GRIK3: variants seen among roughly 807,000 people sequenced by gnomAD.
The protein encoded by GRIK3 is glutamate receptor ionotropic, kainate 3.
GRIK3 carries 29 observed loss-of-function variants against 102.5 expected under a neutral mutation model. The ratio of observed to expected loss-of-function variants is 0.28; its 90% CI spans 0.21 to 0.39. The LOEUF is 0.39. GRIK3 is among the 10% of genes least tolerant of loss of function. The probability of loss-of-function intolerance (pLI) is 1.00; values close to 1 mark genes in which losing one functional copy is unlikely to be tolerated. For synonymous variants in GRIK3, 511 were observed against 504.9 expected (o/e 1.01, Z -0.16); for missense variants, 908 against 1,252.4 (o/e 0.73, Z 4.15).
At chr1:36,839,651 T>G (rs1357260417) in intron 10 of GRIK3, among the ~76,000 whole-genome samples, 1 of 152,218 alleles carries the variant, frequency 6.6e-6, no homozygotes, top group Non-Finnish European at 1.5e-5. Flanking sequence ...CCTATTAATA[T>G]CTTTTCCCTT....
At chr1:36,832,887 A>G (rs1640325057) in intron 10 of GRIK3, among the ~76,000 whole-genome samples, 2 of 152,170 alleles carry the variant, frequency 1.3e-5, no homozygotes. Flanking sequence ...AGCCCAACGG[A>G]GCGGAAGGCA....
At chr1:36,811,244 T>A (rs1221421900) in intron 13 of GRIK3, among the ~76,000 whole-genome samples, 1 of 152,102 alleles carries the variant, frequency 6.6e-6, no homozygotes, top group African/African-American at 2.4e-5. Context: ...ATCTAGAAAC[T>A]GGGGAGAAAA....
chr1:36,826,878 A>G (rs911378836), intron 10 of GRIK3, among the ~76,000 whole-genome samples: 2 of 152,128 alleles, frequency 1.3e-5, no homozygotes, highest in African/African-American at 4.8e-5. Context: ...TTAAAAAACT[A>G]GATTCCCTCA....
At chr1:36,978,693 T>C (rs562300378) in intron 1 of GRIK3, among the ~76,000 whole-genome samples, 118 of 152,190 alleles carry the variant, frequency 7.8e-4, no homozygotes, top group Non-Finnish European at 1.3e-3. Context: ...GGAGGGTGAC[T>C]TGGCCACTCA....
intron 1 of GRIK3, among the ~76,000 whole-genome samples, chr1:36,905,862 C>T (rs930950016): frequency 1.1e-4 from 16 of 152,220 alleles, no homozygotes; most frequent in Non-Finnish European, 7.3e-5. Context: ...TACCTCTACC[C>T]ATCCCAAATG....
At chr1:36,855,115 A>T (rs1183231422) in intron 7 of GRIK3, among the ~76,000 whole-genome samples, 1 of 152,096 alleles carries the variant, frequency 6.6e-6, no homozygotes, top group South Asian at 2.1e-4. Context: ...GAGGGGAGAA[A>T]ATCTGGGAGC....
intron 1 of GRIK3, among the ~76,000 whole-genome samples, chr1:36,909,605 T>A (rs1003235229): frequency 1.3e-5 from 2 of 152,128 alleles, no homozygotes; most frequent in African/African-American, 4.8e-5. Context: ...CCGGCCTTTT[T>A]TTCTTTTTTA....
chr1:36,856,259 G>A (rs1056858113), intron 7 of GRIK3, among the ~76,000 whole-genome samples: 70 of 152,344 alleles, frequency 4.6e-4, no homozygotes, highest in African/African-American at 1.5e-3. Context: ...TGCACTGTGA[G>A]GGAAGCCTTC....
chr1:36,860,442 CT>C (rs1640708686), intron 5 of GRIK3, among the ~76,000 whole-genome samples: 2 of 152,328 alleles, frequency 1.3e-5, no homozygotes, highest in African/African-American at 4.8e-5. Context: ...ATTTTATCCC[CT>C]AGAAGAGGAT....
chr1:36,895,082 G>A (rs898289313), intron 1 of GRIK3, among the ~76,000 whole-genome samples: 14 of 152,194 alleles, frequency 9.2e-5, no homozygotes, highest in African/African-American at 3.1e-4. Context: ...GAAGTTTACC[G>A]CCCAGGGGCA....
chr1:36,853,579 T>A (rs1321240060), intron 8 of GRIK3, 36 bp downstream of exon 8: 1 of 1,365,274 alleles, frequency 7.3e-7, no homozygotes, highest in East Asian at 2.3e-5. Flanking sequence ...AAGCCCCTGC[T>A]CCTCCGCCTG....
At chr1:36,923,544 G>T (rs545614696) in intron 1 of GRIK3, among the ~76,000 whole-genome samples, 1 of 152,226 alleles carries the variant, frequency 6.6e-6, no homozygotes, top group Non-Finnish European at 1.5e-5. Flanking sequence ...CACTGCATGG[G>T]AATGAGGATC....
chr1:36,805,307 C>G (rs1240419482), intron 14 of GRIK3, 70 bp from the exon 15 acceptor site: 2 of 1,514,168 alleles, frequency 1.3e-6, no homozygotes, highest in Non-Finnish European at 1.8e-6. Flanking sequence ...TCTGCCAACA[C>G]CCTGGTCAGG....
At chr1:36,890,419 G>T (rs920596674) in intron 2 of GRIK3, among the ~76,000 whole-genome samples, 1 of 151,532 alleles carries the variant, frequency 6.6e-6, no homozygotes, top group Non-Finnish European at 1.5e-5. Context: ...AGCAGAGATC[G>T]CACCACTGTA....
At chr1:36,907,802 G>A (rs145451108) in intron 1 of GRIK3, among the ~76,000 whole-genome samples, 2 of 152,188 alleles carry the variant, frequency 1.3e-5, no homozygotes, top group South Asian at 2.1e-4. Flanking sequence ...CAAATATTGA[G>A]GGGCACCACA....
intron 1 of GRIK3, among the ~76,000 whole-genome samples, chr1:36,975,376 C>G (rs1642185540): frequency 6.7e-6 from 1 of 148,522 alleles, no homozygotes; most frequent in African/African-American, 2.5e-5. Context: ...CTCACTGCAA[C>G]CTCCACCTCC....
At chr1:36,949,352 T>C (rs499115) in intron 1 of GRIK3, among the ~76,000 whole-genome samples, 3,079 of 152,210 alleles carry the variant, frequency 0.02, 103 homozygotes, top group African/African-American at 0.07. Flanking sequence ...TCACTCTGTC[T>C]CTTTCAACTC....
chr1:36,871,717 G>A (rs1640845824), intron 4 of GRIK3, among the ~76,000 whole-genome samples: 1 of 152,200 alleles, frequency 6.6e-6, no homozygotes, highest in Non-Finnish European at 1.5e-5. Context: ...CCTTGATAAA[G>A]CTCCCAGTAA....
Position 36,805,036 on chromosome 1 carries a change from G to A in GRIK3, c.2516C>T (p.Ala839Val). ...AAGLVLSVLVAVGEFVYKLRK... is the reference protein window; with the variant it reads ...AAGLVLSVLVVVGEFVYKLRK... Reference sequence around the variant, plus strand: ...GAGCTTGTACACAAACTCGCCCACGGCCACCAGCACAGAGAGGACCAGCCC... The same window carrying A: ...GAGCTTGTACACAAACTCGCCCACGACCACCAGCACAGAGAGGACCAGCCC... The change falls in exon 15 of 16, where the codon GCC becomes GTC. Residue 839 changes from alanine to valine, a missense_variant. By Grantham distance (64) the Ala-to-Val change is moderately conservative. Coordinates refer to ENST00000373091, the MANE Select transcript of GRIK3 (RefSeq NM_000831.4). 1 of 1,614,134 alleles carries A rather than the reference G, an allele frequency of 6.2e-7. No individual in the cohort carries two copies. Among genetic ancestry groups the A allele is most frequent in the Non-Finnish European group, 8.5e-7 (1 of 1,180,012 alleles).
Sources: allele counts gnomAD v4.1 joint callset (sites outside exome capture counted in the v4.1 genomes callset), GRCh38; gene constraint gnomAD v4.1.1; transcripts MANE v1.5; gene names NCBI Gene and HGNC (gene_info 2026-07-23, HGNC 2026-07-21).